Variants in NBEA observed in about 807,000 individuals in gnomAD.
NBEA encodes the protein neurobeachin.
Under a neutral mutation model 343.4 loss-of-function variants are expected in NBEA, and 44 were observed. The ratio of observed to expected loss-of-function variants is 0.13; its 90% CI spans 0.10 to 0.16. NBEA has a LOEUF of 0.16. Among genes scored for constraint, NBEA ranks in the 10% least tolerant of loss-of-function variants. NBEA has a pLI of 1.00. For missense variants in NBEA, 2,555 were observed against 3,631.3 expected (o/e 0.70, Z 7.62); for synonymous variants, 1,175 against 1,238.7 (o/e 0.95, Z 1.08).
chr13:35,598,344 G>A (rs118094629), intron 47 of NBEA, among the ~76,000 whole-genome samples: 5,012 of 152,250 alleles, frequency 0.033, 124 homozygotes, highest in Non-Finnish European at 0.046. Flanking sequence ...CATGGATTAG[G>A]GCCCAGGTCT....
intron 18 of NBEA, among the ~76,000 whole-genome samples, chr13:35,152,947 C>T (rs2068890187): frequency 6.6e-6 from 1 of 151,740 alleles, no homozygotes; most frequent in Non-Finnish European, 1.5e-5. Flanking sequence ...TTGAGTCCTG[C>T]TCTTTCATTA....
chr13:35,192,236 G>T (rs1304497975), intron 30 of NBEA, among the ~76,000 whole-genome samples: 4 of 151,960 alleles, frequency 2.6e-5, no homozygotes, highest in Admixed American at 6.6e-5. Context: ...AATCCTCAAA[G>T]TACTTTAGTG....
chr13:35,177,662 A>C (rs1300940457), intron 28 of NBEA, among the ~76,000 whole-genome samples: 2 of 151,816 alleles, frequency 1.3e-5, no homozygotes, highest in African/African-American at 2.4e-5. Flanking sequence ...GGCAAATAAA[A>C]ATAAGATTGG....
At chr13:35,178,762 A>AT (rs2071096782) in intron 28 of NBEA, among the ~76,000 whole-genome samples, 1 of 151,580 alleles carries the variant, frequency 6.6e-6, no homozygotes, top group Non-Finnish European at 1.5e-5. Flanking sequence ...ACATTAAAGT[A>AT]TAAAAACCAC....
At chr13:35,526,703 T>A (rs2077992537) in intron 41 of NBEA, among the ~76,000 whole-genome samples, 1 of 152,158 alleles carries the variant, frequency 6.6e-6, no homozygotes, top group South Asian at 2.1e-4. Flanking sequence ...CTGGCCCAGA[T>A]CCCATGCCTG....
At chr13:35,439,190 A>C (rs1358561016) in intron 39 of NBEA, among the ~76,000 whole-genome samples, 1 of 152,132 alleles carries the variant, frequency 6.6e-6, no homozygotes, top group African/African-American at 2.4e-5. Context: ...CATACAGGAG[A>C]GCTCCCCACA....
chr13:35,618,147 A>G (rs2082819370), intron 48 of NBEA, among the ~76,000 whole-genome samples: 1 of 152,200 alleles, frequency 6.6e-6, no homozygotes, highest in African/African-American at 2.4e-5. Context: ...CTAAAGTATA[A>G]AATGAAAATG....
intron 17 of NBEA, among the ~76,000 whole-genome samples, chr13:35,130,577 A>T (rs1348544896): frequency 1.3e-5 from 2 of 152,052 alleles, no homozygotes; most frequent in Non-Finnish European, 2.9e-5. Flanking sequence ...AGTCGTAGAA[A>T]TCTATTATTG....
intron 41 of NBEA, among the ~76,000 whole-genome samples, chr13:35,542,166 G>A (rs575000061): frequency 7.1e-6 from 1 of 140,516 alleles, no homozygotes; most frequent in East Asian, 2.1e-4. Context: ...CCCCCCCACC[G>A]CATACCCATA....
intron 39 of NBEA, among the ~76,000 whole-genome samples, chr13:35,442,304 G>T (rs898883139): frequency 1.3e-5 from 2 of 151,972 alleles, no homozygotes; most frequent in Non-Finnish European, 2.9e-5. Context: ...CCAAAAAGAC[G>T]CAAGTTTTCT....
At chr13:35,359,722 T>C (rs1412768898) in intron 38 of NBEA, among the ~76,000 whole-genome samples, 4 of 152,132 alleles carry the variant, frequency 2.6e-5, no homozygotes, top group Non-Finnish European at 5.9e-5. Flanking sequence ...TCTTTGTTTA[T>C]TTTAGCTTTT....
At position 34,999,954 on chromosome 13, in the gene NBEA, C is replaced by T. The variant is rs1057260583; in HGVS notation, c.295-40979C>T. On this transcript the variant is annotated intron_variant, in intron 1 of 58. Transcript: ENST00000379939. ...CTAAACTGTGATGCCCATCATCCGT[C>T]GGTATGTCTGTATCTATCTTCCTTC... is the stretch of plus-strand genomic sequence containing the variant. Among the ~76,000 whole-genome samples, 16 of 152,198 alleles carry T rather than the reference C, an allele frequency of 1.1e-4. No homozygotes were observed. The East Asian group carries it at 2.3e-3, about 22-fold the overall frequency.
intron 34 of NBEA, among the ~76,000 whole-genome samples, chr13:35,236,524 G>A (rs2152774227): frequency 6.6e-6 from 1 of 152,110 alleles, no homozygotes; most frequent in South Asian, 2.1e-4. Context: ...TTGGCTCACT[G>A]CAAGCTCCGC....
At chr13:35,609,612 A>T (rs1399098959) in intron 48 of NBEA, among the ~76,000 whole-genome samples, 9 of 152,186 alleles carry the variant, frequency 5.9e-5, no homozygotes, top group Non-Finnish European at 1.3e-4. Context: ...GAAAGCAGTT[A>T]TGTAAGATCA....
rs2041719798 is a variant in NBEA, at chr13:35,376,014, C to A, written c.6179+23691C>A. On this transcript the variant is annotated intron_variant, in intron 38 of 58. Transcript: ENST00000379939. ...ACAGTTGTCAGGGACTAATTGGATACCCTATAAAACAAAAGACTTCATTTT... is the reference window on the plus strand; with the variant it reads ...ACAGTTGTCAGGGACTAATTGGATAACCTATAAAACAAAAGACTTCATTTT... Among the ~76,000 whole-genome samples the A allele has an allele frequency of 2.0e-5, 3 of 152,058 alleles. No individual in the cohort carries two copies. In the South Asian group the frequency reaches 6.2e-4, roughly 32 times the overall value.
At chr13:35,571,734 C>T (rs1277934895) in intron 45 of NBEA, among the ~76,000 whole-genome samples, 2 of 67,748 alleles carry the variant, frequency 3.0e-5, no homozygotes, top group Non-Finnish European at 7.8e-5. Context: ...AAAATTAATG[C>T]CATTTAATAA....
At chr13:35,603,186 C>CT (rs2082133439) in intron 47 of NBEA, among the ~76,000 whole-genome samples, 1 of 151,740 alleles carries the variant, frequency 6.6e-6, no homozygotes, top group Non-Finnish European at 1.5e-5. Context: ...TTTTTCTGAC[C>CT]ATCTGTGTAT....
intron 38 of NBEA, among the ~76,000 whole-genome samples, chr13:35,355,248 T>TA (rs2040427424): frequency 6.6e-6 from 1 of 152,080 alleles, no homozygotes; most frequent in African/African-American, 2.4e-5. Flanking sequence ...ACCAGCATGA[T>TA]ATATAGTCTT....
At chr13:35,527,291 T>C (rs1429838474) in intron 41 of NBEA, among the ~76,000 whole-genome samples, 1 of 152,076 alleles carries the variant, frequency 6.6e-6, no homozygotes, top group African/African-American at 2.4e-5. Flanking sequence ...ATCAATGAAG[T>C]CTTCCCTCTG....
Sources: allele counts gnomAD v4.1 joint callset (sites outside exome capture counted in the v4.1 genomes callset), GRCh38; gene constraint gnomAD v4.1.1; transcripts MANE v1.5; gene names NCBI Gene and HGNC (gene_info 2026-07-23, HGNC 2026-07-21).